C3: variants seen among roughly 807,000 people sequenced by gnomAD.
C3 encodes complement C3.
A neutral mutation model predicts 207.9 loss-of-function variants in C3; 97 were observed. The ratio of observed to expected loss-of-function variants is 0.47; its 90% confidence interval spans 0.40 to 0.55. The LOEUF (loss-of-function observed/expected upper bound fraction) is 0.55. Among genes scored for constraint, C3 ranks in the 20% least tolerant of loss-of-function variants. The pLI is 0.00. For synonymous variants in C3, 848 were observed against 857.6 expected (o/e 0.99, Z 0.20); for missense variants, 1,684 against 2,171.7 (o/e 0.78, Z 4.46).
chr19:6,685,994 T>C (rs922752667), intron 29 of C3, 130 bp downstream of exon 29: 7 of 923,156 alleles, frequency 7.6e-6, no homozygotes, highest in Non-Finnish European at 1.3e-5. Context: ...GATTCTCAAC[T>C]CCACTGCAAT....
rs570503574 is a variant in C3, at chr19:6,707,921, G to A, written c.1854C>T (p.Asp618=). 24 of 1,613,808 alleles carry A rather than the reference G, an allele frequency of 1.5e-5. 1 individual carries two copies. In the African/African-American group the frequency reaches 2.8e-4, roughly 19 times the overall value. Residue 618 remains aspartate (D), a synonymous_variant, in exon 15 of 41, where the codon GAC becomes GAT. Transcript: ENST00000245907. ...KNKLTQSKIW[D]VVEKADIGCT... ...AGCCGATGTCTGCCTTCTCCACCAC[G>A]TCCCAGATCTGCGGGGGGCATAGGG... is the stretch of plus-strand genomic sequence containing the variant.
At chr19:6,684,471 G>C (rs774450968) in intron 32 of C3, 32 bp from the exon 33 acceptor site, 162 of 1,597,776 alleles carry the variant, frequency 1.0e-4, no homozygotes, top group Non-Finnish European at 1.3e-4. Context: ...AGATGGGAGA[G>C]GGTATACCTG....
In C3 at chr19:6,707,485, C is replaced by G. The variant is rs768621660; in HGVS notation, c.2028G>C (p.Thr676=). The change falls in exon 16 of 41, where the codon ACG becomes ACC. Residue 676 remains threonine (T), a synonymous_variant. Transcript: ENST00000245907. ...AARRRRSVQL[T]EKRMDKVGKY... ...TCCCACCTTTGTCCATTCGCTTCTC[C>G]GTGAGCTGCACGGAACGGCGTCGGC... 6.2e-7 allele frequency: 1 copy of G among 1,614,040 alleles called. No individual in the cohort carries two copies.
intron 23 of C3, 30 bp from the exon 24 acceptor site, chr19:6,694,664 A>G: frequency 6.3e-7 from 1 of 1,599,820 alleles, no homozygotes; most frequent in Non-Finnish European, 8.5e-7. Context: ...GACGTTGCTC[A>G]AGCCAGGTGG....
At position 6,685,078 on chromosome 19, in the gene C3, G is replaced by A. The variant is rs750731526; in HGVS notation, c.3879C>T (p.Asn1293=). ...TGGGCAGTTGGAGGGACACATCAAG[G>A]TTCAGTTCCTGGTGGTCAGGGGCGT... The part of the protein sequence containing the change: ...QKDAPDHQEL[N]LDVSLQLPSR... Residue 1293 remains asparagine (N), a synonymous_variant, in exon 30 of 41, where the codon AAC becomes AAT. Transcript: ENST00000245907. 3.7e-6 allele frequency: 6 copies of A among 1,614,050 alleles called. No homozygotes were observed. Among genetic ancestry groups the A allele is most frequent in the Admixed American group, 3.3e-5 (2 of 60,006 alleles).
At position 6,718,309 on chromosome 19, in the gene C3, C is replaced by T. The variant is rs201985442; in HGVS notation, c.371G>A (p.Ser124Asn). Reference sequence around the variant, plus strand: ...GATGAAGAGGTACCCGCTCTGCAGGCTGACCAGCACCACCTTCTCCACCAC... The same window carrying T: ...GATGAAGAGGTACCCGCTCTGCAGGTTGACCAGCACCACCTTCTCCACCAC... ...TQVVEKVVLV[S>N]LQSGYLFIQT... The change falls in exon 3 of 41, where the codon AGC becomes AAC. Residue 124 changes from serine to asparagine, a missense_variant. Around this residue, in one of 3 missense-constraint regions of C3, gnomAD observed 1,280 missense variants for 1,739.1 expected, o/e 0.74. Coordinates refer to ENST00000245907, the MANE Select transcript of C3 (RefSeq NM_000064.4). 49 of 1,614,244 alleles carry T rather than the reference C, an allele frequency of 3.0e-5. No individual in the cohort carries two copies. Among genetic ancestry groups the T allele is most frequent in the Admixed American group, 6.7e-5 (4 of 60,028 alleles).
rs770439409 is a variant in C3, at chr19:6,696,658, G to A, written c.2798C>T (p.Pro933Leu). ...DGVRKSLKVV[P>L]EGIRMNKTVA... ...AGTTTTGTTCATTCTGATTCCTTCC[G>A]GCTACGCAGTGTTAGAGGTGGGGGG... Residue 933 changes from proline to leucine, a missense_variant and splice_region_variant, in exon 22 of 41, where the codon CCG becomes CTG. Coordinates refer to ENST00000245907, the MANE Select transcript of C3 (RefSeq NM_000064.4). The A allele has an allele frequency of 2.5e-6, 4 of 1,613,712 alleles. No individual in the cohort carries two copies. Among genetic ancestry groups the A allele is most frequent in the South Asian group, 2.2e-5 (2 of 91,076 alleles).
intron 25 of C3, 67 bp downstream of exon 25, chr19:6,693,345 G>A (rs1474141599): frequency 6.7e-7 from 1 of 1,486,212 alleles, no homozygotes; most frequent in African/African-American, 1.4e-5. Flanking sequence ...CCCTGGCCAG[G>A]GTCCGGGCCC....
intron 36 of C3, 200 bp downstream of exon 36, chr19:6,679,958 C>G: frequency 1.7e-6 from 1 of 584,856 alleles, no homozygotes; most frequent in East Asian, 3.2e-5. Context: ...CTTAGACCAT[C>G]ATTCTCAGAT....
chr19:6,715,682 C>T lies in C3; in HGVS notation c.505-1236G>A, dbSNP rs533251515. Among the ~76,000 whole-genome samples, 23 of 144,156 alleles carry T rather than the reference C, an allele frequency of 1.6e-4. No homozygotes were observed. In the South Asian group the frequency reaches 4.8e-3, roughly 30 times the overall value. The allele number at this position is 144,156 out of a possible 152,430, so 94.6% of individuals were successfully genotyped here. On this transcript the variant is annotated intron_variant, in intron 4 of 40. Transcript: ENST00000245907. ...TGTCGCCCAGGCTGGAGTGTAATGGCGAGATCTCGGCTCACTGCAGGCTCC... is the reference window on the plus strand; with the variant it reads ...TGTCGCCCAGGCTGGAGTGTAATGGTGAGATCTCGGCTCACTGCAGGCTCC...
At chr19:6,697,951 T>G (rs1027531106) in intron 19 of C3, among the ~76,000 whole-genome samples, 157 bp from the exon 20 acceptor site, 16 of 152,032 alleles carry the variant, frequency 1.1e-4, no homozygotes, top group Admixed American at 4.6e-4. Context: ...TGGCGACAAA[T>G]GACAGATGAT....
Position 6,707,482 on chromosome 19 carries a change from C to T in C3, c.2031G>A (p.Glu677=). 6.2e-7 allele frequency: 1 copy of T among 1,614,078 alleles called. No homozygotes were observed. The highest frequency in any genetic ancestry group is 1.7e-5 in the Admixed American group (1 of 60,020). Residue 677 remains glutamate, a synonymous_variant, in exon 16 of 41, where the codon GAG becomes GAA. Transcript: ENST00000245907. The part of the protein sequence containing the change: ...ARRRRSVQLT[E]KRMDKVGKYP... ...GGCTCCCACCTTTGTCCATTCGCTT[C>T]TCCGTGAGCTGCACGGAACGGCGTC...
intron 25 of C3, 112 bp from the exon 26 acceptor site, chr19:6,693,195 T>G (rs1918209337): frequency 1.5e-6 from 2 of 1,353,604 alleles, no homozygotes; most frequent in African/African-American, 1.4e-5. Context: ...TTGCCTGGTT[T>G]GCCTTCCCAG....
At chr19:6,711,650 G>A (rs1048077095) in intron 11 of C3, among the ~76,000 whole-genome samples, 5 of 152,164 alleles carry the variant, frequency 3.3e-5, no homozygotes, top group Admixed American at 6.5e-5. Flanking sequence ...GGAAATTCAC[G>A]CACATGCTGA....
chr19:6,702,811 A>G (rs1233924530), intron 17 of C3: 4 of 454,414 alleles, frequency 8.8e-6, no homozygotes, highest in Non-Finnish European at 1.6e-5. Context: ...AGGTGGGTGG[A>G]TCGCTTGAGG....
chr19:6,678,369 G>A lies in C3; in HGVS notation c.4714+3C>T, dbSNP rs113151238. 1 of 1,614,132 alleles carries A rather than the reference G, an allele frequency of 6.2e-7. No homozygotes were observed. Among genetic ancestry groups the A allele is most frequent in the South Asian group, 1.1e-5 (1 of 91,072 alleles). On this transcript the variant is annotated splice_donor_region_variant and intron_variant, in intron 39 of 40. Coordinates refer to ENST00000245907, the MANE Select transcript of C3 (RefSeq NM_000064.4). ...CCACGGGAGGCAGCGTGCTGAGCCT[G>A]ACCTGACTTGATGGTCTGCTCAATG... is the stretch of plus-strand genomic sequence containing the variant.
rs1917825850 is a variant in C3, at chr19:6,680,242, A to C, written c.4372T>G (p.Cys1458Gly). The C allele has an allele frequency of 6.2e-7, 1 of 1,609,888 alleles. No individual in the cohort carries two copies. Among genetic ancestry groups the C allele is most frequent in the Non-Finnish European group, 8.5e-7 (1 of 1,176,324 alleles). The change falls in exon 36 of 41, where the codon TGT (cysteine) becomes GGT (glycine). Residue 1458 changes from cysteine to glycine, a missense_variant. Physicochemically the swap from Cys to Gly is radical, Grantham distance 159. Coordinates refer to ENST00000245907, the MANE Select transcript of C3 (RefSeq NM_000064.4). ...TATTGGTGAACTTTGAAAGCTAGAC[A>C]GTCATCCTCAGAGTGTGAGACCTGA... ...LDKVSHSEDD[C>G]LAFKVHQYFN... is the part of the protein sequence containing the mutation.
At chr19:6,688,032 ATTTTTAGTAGAGACGGGGTT>A (rs1186182629) in intron 27 of C3, among the ~76,000 whole-genome samples, 2 of 146,426 alleles carry the variant, frequency 1.4e-5, no homozygotes, top group Non-Finnish European at 3.0e-5. Flanking sequence ...AATTTTTTGT[ATTTTTAGTAGAGACGGGGTT>A]TCACCGTGGT....
chr19:6,717,828 TTTGTGTGTGTTGCA>T (rs1968072132), intron 4 of C3: 1 of 588,090 alleles, frequency 1.7e-6, no homozygotes, highest in Admixed American at 2.7e-5. Flanking sequence ...ATGTTGTGTG[TTTGTGTGTGTTGCA>T]TTGTGTGTGT....
Sources: gnomAD v4.1 joint callset for allele counts (sites outside exome capture counted in the v4.1 genomes callset) on GRCh38, gnomAD v4.1.1 for gene constraint, gnomAD v4.1.1 regional missense constraint, MANE v1.5 for transcripts, NCBI Gene and HGNC (gene_info 2026-07-23, HGNC 2026-07-21) for gene names.